Variants in CBLB observed in about 807,000 individuals in gnomAD.
The protein encoded by CBLB is Cbl proto-oncogene B.
In CBLB, 31 loss-of-function variants were observed where a neutral mutation model predicts 104.9. The observed-to-expected ratio is 0.30, with a 90% CI of 0.22 to 0.40. The LOEUF is 0.40. CBLB is among the 10% of genes least tolerant of loss of function. The pLI is 1.00. For synonymous variants in CBLB, 440 were observed against 422.6 expected (o/e 1.04, Z -0.51); for missense variants, 1,062 against 1,214.6 (o/e 0.87, Z 1.87).
At chr3:105,848,028 A>C (rs2090497948) in intron 3 of CBLB, among the ~76,000 whole-genome samples, 1 of 152,070 alleles carries the variant, frequency 6.6e-6, no homozygotes. Flanking sequence ...ATACACACAC[A>C]TACACATGCA....
At chr3:105,663,701 C>G (rs768846839) in intron 18 of CBLB, among the ~76,000 whole-genome samples, 1 of 152,044 alleles carries the variant, frequency 6.6e-6, no homozygotes, top group Non-Finnish European at 1.5e-5. Flanking sequence ...TGGAATAATA[C>G]CCAGAATGAT....
intron 2 of CBLB, among the ~76,000 whole-genome samples, chr3:105,855,799 AT>A (rs1186138974): frequency 2.0e-5 from 3 of 152,108 alleles, no homozygotes; most frequent in Non-Finnish European, 4.4e-5. Context: ...TGCTTTGTGG[AT>A]TTTTCTCATT....
intron 9 of CBLB, among the ~76,000 whole-genome samples, chr3:105,727,378 C>T (rs191662024): frequency 7.4e-4 from 113 of 152,126 alleles, no homozygotes; most frequent in African/African-American, 7.2e-4. Flanking sequence ...TCATATGCTT[C>T]GCCCACTTTT....
intron 9 of CBLB, among the ~76,000 whole-genome samples, chr3:105,732,391 T>C (rs2074414147): frequency 1.3e-5 from 2 of 152,126 alleles, no homozygotes; most frequent in South Asian, 4.1e-4. Flanking sequence ...CTTCAACATC[T>C]CCCTGTAATA....
At chr3:105,720,272 G>A in intron 9 of CBLB, 22 bp from the exon 10 acceptor site, 2 of 1,589,308 alleles carry the variant, frequency 1.3e-6, no homozygotes, top group East Asian at 2.2e-5. Context: ...GAAAATGCAT[G>A]GATTGGTTTT....
chr3:105,830,562 G>C lies in CBLB; in HGVS notation c.419+22852C>G, dbSNP rs116448103. 6.9e-3 allele frequency among the ~76,000 whole-genome samples: 1,055 copies of C among 152,208 alleles called. 10 individuals carry two copies. Among genetic ancestry groups the C allele is most frequent in the African/African-American group, 0.024 (1,011 of 41,536 alleles). On this transcript the variant is annotated intron_variant, in intron 3 of 18. Coordinates refer to ENST00000394030, the MANE Select transcript of CBLB (RefSeq NM_170662.5). ...GGTATTTTTTGTTGTTGTCTTAAAA[G>C]ACCAATTTCTGTATCTAAAAGTTTG...
intron 3 of CBLB, among the ~76,000 whole-genome samples, chr3:105,794,874 T>G (rs760446070): frequency 1.3e-5 from 2 of 151,940 alleles, no homozygotes; most frequent in Non-Finnish European, 2.9e-5. Flanking sequence ...CATGCATATA[T>G]GCACCAAAAG....
In CBLB at chr3:105,702,280, T is replaced by C. The variant is rs115764454; in HGVS notation, c.1773A>G (p.Glu591=). The C allele has an allele frequency of 1.3e-4, 214 of 1,613,992 alleles. No homozygotes were observed. The East Asian group carries it at 3.6e-3, about 27-fold the overall frequency. ...CAAACACATCCCGAGGGCACCATGC[T>C]TCAAGAGGCATTGGCGGGTCTCTGG... ...VPSRDPPMPL[E]AWCPRDVFGT... is the part of the protein sequence containing the mutation. Residue 591 remains glutamate (E), a synonymous_variant, in exon 12 of 19, where the codon GAA becomes GAG. Transcript: ENST00000394030.
intron 4 of CBLB, among the ~76,000 whole-genome samples, chr3:105,765,524 A>C (rs2078125905): frequency 6.6e-6 from 1 of 152,168 alleles, no homozygotes; most frequent in Non-Finnish European, 1.5e-5. Flanking sequence ...TTATTTAAAA[A>C]AACAAAAAGC....
At chr3:105,838,534 G>T (rs1307243440) in intron 3 of CBLB, among the ~76,000 whole-genome samples, 1 of 152,002 alleles carries the variant, frequency 6.6e-6, no homozygotes, top group Non-Finnish European at 1.5e-5. Context: ...GGAGAAAGGG[G>T]CAGGATAAAA....
At chr3:105,825,299 C>T (rs6778745) in intron 3 of CBLB, among the ~76,000 whole-genome samples, 14,217 of 152,206 alleles carry the variant, frequency 0.093, 745 homozygotes, top group Admixed American at 0.13. Context: ...TCTCCTTAAA[C>T]CTATCTTCCA....
intron 3 of CBLB, 124 bp from the exon 4 acceptor site, chr3:105,776,666 A>G: frequency 1.1e-6 from 1 of 903,682 alleles, no homozygotes; most frequent in Non-Finnish European, 1.7e-6. Flanking sequence ...TTGGTGGTTG[A>G]TCACGAAAAC....
chr3:105,761,442 G>A (rs949511349), intron 4 of CBLB, among the ~76,000 whole-genome samples: 1 of 152,210 alleles, frequency 6.6e-6, no homozygotes, highest in East Asian at 1.9e-4. Flanking sequence ...CCAGGTGGGA[G>A]ATAACTGAAT....
At chr3:105,784,493 T>A (rs1278420090) in intron 3 of CBLB, among the ~76,000 whole-genome samples, 1 of 152,240 alleles carries the variant, frequency 6.6e-6, no homozygotes, top group East Asian at 1.9e-4. Context: ...AAACTTGACA[T>A]TGAAACAACA....
intron 10 of CBLB, among the ~76,000 whole-genome samples, chr3:105,718,998 C>T (rs1394623857): frequency 9.9e-5 from 15 of 152,156 alleles, no homozygotes; most frequent in Admixed American, 9.8e-4. Context: ...GTTATATAAA[C>T]TTAAACTGGG....
intron 2 of CBLB, among the ~76,000 whole-genome samples, chr3:105,865,513 C>A (rs1437814157): frequency 6.6e-6 from 1 of 151,994 alleles, no homozygotes; most frequent in Non-Finnish European, 1.5e-5. Context: ...AAACCTAAAC[C>A]CACAGAAGGG....
chr3:105,752,752 C>T (rs535652852), intron 4 of CBLB, among the ~76,000 whole-genome samples: 32 of 152,278 alleles, frequency 2.1e-4, no homozygotes, highest in Non-Finnish European at 3.5e-4. Flanking sequence ...GTTTGTCAAA[C>T]TTCAGCATGC....
rs529246851 is a variant in CBLB at position 105,795,125 on chromosome 3, G to A, written c.420-18583C>T. Among the ~76,000 whole-genome samples, 21 of 152,214 alleles carry A rather than the reference G, an allele frequency of 1.4e-4. 1 individual carries two copies. Among genetic ancestry groups the A allele is most frequent in the South Asian group, 2.1e-4 (1 of 4,822 alleles). The stretch of plus-strand genomic sequence containing the variant: ...GACAGGGTTTCACCATGTTGGCCAG[G>A]ATGGTCCAGATCTGCTGACCTTGTG... On this transcript the variant is annotated intron_variant, in intron 3 of 18. Coordinates refer to ENST00000394030, the MANE Select transcript of CBLB (RefSeq NM_170662.5).
chr3:105,697,842 T>C (rs1460070630), intron 12 of CBLB, among the ~76,000 whole-genome samples: 1 of 152,020 alleles, frequency 6.6e-6, no homozygotes, highest in Non-Finnish European at 1.5e-5. Context: ...AGAGAACAAA[T>C]AATGACAGTT....
Sources: allele counts gnomAD v4.1 joint callset (sites outside exome capture counted in the v4.1 genomes callset), GRCh38; gene constraint gnomAD v4.1.1; transcripts MANE v1.5; gene names NCBI Gene and HGNC (gene_info 2026-07-23, HGNC 2026-07-21).